The following SH3GL3 variants were observed in gnomAD, a reference collection of about 807,000 sequenced individuals.
SH3GL3 encodes SH3 domain containing GRB2 like 3, endophilin A3, also known as endophilin-A3.
A neutral mutation model predicts 47.7 loss-of-function variants in SH3GL3; 33 were observed. The ratio of observed to expected loss-of-function variants is 0.69; its 90% CI spans 0.52 to 0.92. The LOEUF (loss-of-function observed/expected upper bound fraction) is 0.92. Among genes scored for constraint, SH3GL3 ranks in the 40% least tolerant of loss-of-function variants. SH3GL3 has a pLI of 0.00. For synonymous variants in SH3GL3, 155 were observed against 148.8 expected (o/e 1.04, Z -0.30); for missense variants, 363 against 417.8 (o/e 0.87, Z 1.14).
chr15:83,459,527 C>T (rs2040167171), intron 1 of SH3GL3, among the ~76,000 whole-genome samples: 4 of 152,182 alleles, frequency 2.6e-5, no homozygotes, highest in African/African-American at 7.2e-5. Flanking sequence ...CAGGGATACA[C>T]TGATGCAGGA....
intron 1 of SH3GL3, among the ~76,000 whole-genome samples, chr15:83,558,428 A>G (rs2045071511): frequency 1.3e-5 from 2 of 151,974 alleles, no homozygotes; most frequent in East Asian, 1.9e-4. Flanking sequence ...TTCTTAGCAC[A>G]TTGGCCATAC....
intron 3 of SH3GL3, 198 bp downstream of exon 3, chr15:83,565,404 G>T (rs1283738640): frequency 3.8e-6 from 2 of 525,140 alleles, no homozygotes; most frequent in Admixed American, 3.8e-5. Context: ...AGCTATTTTT[G>T]TGAATTTCAG....
intron 8 of SH3GL3, among the ~76,000 whole-genome samples, chr15:83,616,284 GC>G (rs2060812461): frequency 9.6e-6 from 1 of 104,600 alleles, no homozygotes; most frequent in Non-Finnish European, 1.8e-5. Context: ...ATGGAGTCTT[GC>G]TCTGTCCCCC....
chr15:83,531,091 T>G (rs1036671483), intron 1 of SH3GL3, among the ~76,000 whole-genome samples: 2 of 152,216 alleles, frequency 1.3e-5, no homozygotes, highest in Non-Finnish European at 2.9e-5. Context: ...GCCCACAGAT[T>G]ATTTCAGGGA....
At chr15:83,584,241 G>A (rs897286059) in intron 6 of SH3GL3, among the ~76,000 whole-genome samples, 5 of 151,946 alleles carry the variant, frequency 3.3e-5, no homozygotes, top group Admixed American at 1.3e-4. Flanking sequence ...ATCTCATTCT[G>A]ACCTCTGCTT....
chr15:83,521,428 G>A (rs2043197848), intron 1 of SH3GL3, among the ~76,000 whole-genome samples: 1 of 152,168 alleles, frequency 6.6e-6, no homozygotes, highest in Admixed American at 6.6e-5. Flanking sequence ...CTCAGAGAAG[G>A]AGCTACCTTG....
At chr15:83,590,004 T>C (rs1053293874) in intron 8 of SH3GL3, among the ~76,000 whole-genome samples, 1 of 152,228 alleles carries the variant, frequency 6.6e-6, no homozygotes, top group African/African-American at 2.4e-5. Flanking sequence ...CCAGTCTTAA[T>C]TTGCATTTTC....
At chr15:83,617,544 C>T (rs957922569) in intron 8 of SH3GL3, among the ~76,000 whole-genome samples, 4 of 152,088 alleles carry the variant, frequency 2.6e-5, no homozygotes, top group African/African-American at 4.8e-5. Context: ...GGCGTGGTGG[C>T]GCATGCCTGT....
intron 1 of SH3GL3, among the ~76,000 whole-genome samples, chr15:83,555,596 A>T (rs1005567178): frequency 6.6e-6 from 1 of 152,030 alleles, no homozygotes; most frequent in African/African-American, 2.4e-5. Flanking sequence ...GGGGGTGGGG[A>T]TGTGACTTGA....
intron 3 of SH3GL3, among the ~76,000 whole-genome samples, chr15:83,567,913 G>T (rs1420543120): frequency 6.6e-6 from 1 of 151,726 alleles, no homozygotes; most frequent in Non-Finnish European, 1.5e-5. Flanking sequence ...GCTCAGGAAA[G>T]CCTGGTCACT....
intron 1 of SH3GL3, among the ~76,000 whole-genome samples, chr15:83,530,901 G>A (rs953185310): frequency 1.2e-4 from 18 of 152,146 alleles, no homozygotes; most frequent in African/African-American, 4.3e-4. Flanking sequence ...CATGGTTAGA[G>A]ACATTACATT....
intron 1 of SH3GL3, among the ~76,000 whole-genome samples, chr15:83,549,129 C>T (rs2044542735): frequency 6.6e-6 from 1 of 152,042 alleles, no homozygotes; most frequent in African/African-American, 2.4e-5. Flanking sequence ...TTATGTATTC[C>T]AATTTTTGAT....
At chr15:83,584,798 G>A (rs999938104) in intron 6 of SH3GL3, among the ~76,000 whole-genome samples, 3 of 152,200 alleles carry the variant, frequency 2.0e-5, no homozygotes, top group Non-Finnish European at 2.9e-5. Context: ...TCTCAACCCG[G>A]AAGTGGAATT....
intron 8 of SH3GL3, among the ~76,000 whole-genome samples, chr15:83,605,936 A>G (rs555063737): frequency 6.6e-5 from 10 of 152,308 alleles, no homozygotes; most frequent in East Asian, 1.9e-4. Context: ...ATGCTCAAGT[A>G]TCTTCCCCAC....
At chr15:83,562,030 A>ACACACAC (rs1323661188) in intron 2 of SH3GL3, among the ~76,000 whole-genome samples, 1 of 132,980 alleles carries the variant, frequency 7.5e-6, no homozygotes, top group Non-Finnish European at 1.6e-5. Context: ...ACACACACAC[A>ACACACAC]ACACACACAC....
rs2060871498 is a variant in SH3GL3 at position 83,617,946 on chromosome 15, C to T, written c.839-136C>T. On this transcript the variant is annotated intron_variant, in intron 8 of 8. Transcript: ENST00000427482. ...CAGAGACCACAAACGGCACCGTGAG[C>T]TGGGTGGAGCTGGCCTTGTGGGAAG... The T allele has an allele frequency of 4.7e-6, 3 of 640,808 alleles. No individual in the cohort carries two copies. The South Asian group carries it at 5.6e-5, about 12-fold the overall frequency. The allele number at this position is 640,808 out of a possible 1,614,324, so 39.7% of individuals were successfully genotyped here.
intron 2 of SH3GL3, among the ~76,000 whole-genome samples, chr15:83,563,088 G>C (rs528586728): frequency 6.6e-6 from 1 of 152,276 alleles, no homozygotes; most frequent in East Asian, 1.9e-4. Flanking sequence ...TACGATTTCA[G>C]GCTGGATAAG....
At chr15:83,569,716 T>C (rs1193861050) in intron 4 of SH3GL3, among the ~76,000 whole-genome samples, 1 of 152,234 alleles carries the variant, frequency 6.6e-6, no homozygotes, top group Non-Finnish European at 1.5e-5. Context: ...ATTTGATATG[T>C]AGTATACAAA....
intron 5 of SH3GL3, among the ~76,000 whole-genome samples, chr15:83,575,690 T>C (rs963108551): frequency 6.6e-6 from 1 of 152,230 alleles, no homozygotes; most frequent in Non-Finnish European, 1.5e-5. Flanking sequence ...TCTTGTGTGC[T>C]CTTTTCACTG....
Sources: gnomAD v4.1 joint callset for allele counts (sites outside exome capture counted in the v4.1 genomes callset) on GRCh38, gnomAD v4.1.1 for gene constraint, MANE v1.5 for transcripts, NCBI Gene and HGNC (gene_info 2026-07-23, HGNC 2026-07-21) for gene names.